Variants in AKR1B10 observed in about 807,000 individuals in gnomAD.
AKR1B10 encodes the protein ARP.
A neutral mutation model predicts 38.9 loss-of-function variants in AKR1B10; 39 were observed. The observed-to-expected ratio is 1.00, with a 90% CI of 0.78 to 1.31. AKR1B10 has a LOEUF of 1.31. AKR1B10 is among the 50% of genes most tolerant of loss of function. The probability of loss-of-function intolerance (pLI) is 0.00; values close to 1 mark genes in which losing one functional copy is unlikely to be tolerated. For missense variants in AKR1B10, 361 were observed against 382.6 expected (o/e 0.94, Z 0.47); for synonymous variants, 148 against 141.2 (o/e 1.05, Z -0.34).
intron 3 of AKR1B10, 127 bp downstream of exon 3, chr7:134,532,151 G>C: frequency 8.5e-7 from 1 of 1,177,832 alleles, no homozygotes; most frequent in Non-Finnish European, 1.2e-6. Context: ...GGGAATGGCA[G>C]GTGGTCAGGA....
intron 2 of AKR1B10, 50 bp from the exon 3 acceptor site, chr7:134,531,858 T>C (rs1335296474): frequency 2.5e-5 from 40 of 1,603,024 alleles, no homozygotes; most frequent in Non-Finnish European, 3.4e-5. Flanking sequence ...GAGTACAATG[T>C]GGCCCTTCCT....
intron 9 of AKR1B10, among the ~76,000 whole-genome samples, chr7:134,539,429 T>A (rs1174332199): frequency 6.6e-6 from 1 of 151,974 alleles, no homozygotes; most frequent in Non-Finnish European, 1.5e-5. Flanking sequence ...CAACTCAAAA[T>A]ATAGATGTCA....
chr7:134,530,853 G>C, intron 2 of AKR1B10, 43 bp downstream of exon 2: 1 of 1,575,070 alleles, frequency 6.3e-7, no homozygotes, highest in African/African-American at 1.4e-5. Context: ...TTCAAGGCAG[G>C]CAGAAGTATC....
intron 8 of AKR1B10, 77 bp downstream of exon 8, chr7:134,538,354 C>T: frequency 2.9e-6 from 4 of 1,375,032 alleles, no homozygotes; most frequent in Non-Finnish European, 4.1e-6. Context: ...AGGCTTCTCA[C>T]CTCATCGCTG....
chr7:134,528,018 G>T, intron 1 of AKR1B10, 41 bp downstream of exon 1: 2 of 1,609,098 alleles, frequency 1.2e-6, no homozygotes, highest in Non-Finnish European at 1.7e-6. Flanking sequence ...TCTCTGGAGG[G>T]GCGTTTGGGT....
At chr7:134,528,757 A>G (rs776842933) in intron 1 of AKR1B10, among the ~76,000 whole-genome samples, 4 of 152,050 alleles carry the variant, frequency 2.6e-5, no homozygotes, top group African/African-American at 7.2e-5. Flanking sequence ...GAGAGAAAGA[A>G]AGAGAGACAG....
intron 2 of AKR1B10, among the ~76,000 whole-genome samples, chr7:134,531,675 C>T (rs113891887): frequency 7.9e-5 from 12 of 152,140 alleles, no homozygotes; most frequent in African/African-American, 1.7e-4. Flanking sequence ...ATCTGAGACA[C>T]GTATAGAGTA....
At chr7:134,535,709 G>A (rs1346653663) in intron 4 of AKR1B10, 17 of 980,142 alleles carry the variant, frequency 1.7e-5, no homozygotes, top group East Asian at 1.2e-4. Flanking sequence ...TGTCTATGCC[G>A]CTGTGATGTT....
chr7:134,537,260 T>C (rs1808038035), intron 6 of AKR1B10, 103 bp downstream of exon 6: 3 of 1,477,994 alleles, frequency 2.0e-6, no homozygotes, highest in Non-Finnish European at 2.7e-6. Context: ...GAAAGAAAAA[T>C]GTGTGTAAGG....
intron 1 of AKR1B10, 95 bp downstream of exon 1, chr7:134,528,072 C>G: frequency 6.7e-7 from 1 of 1,501,052 alleles, no homozygotes; most frequent in Non-Finnish European, 9.1e-7. Flanking sequence ...GGAGGTCGGG[C>G]AGGGGTTGGA....
In AKR1B10 at chr7:134,532,543, T is replaced by G. The variant is rs541655486; in HGVS notation, c.352-461T>G. Among the ~76,000 whole-genome samples the G allele has an allele frequency of 2.6e-5, 4 of 152,138 alleles. No homozygotes were observed. The South Asian group carries it at 8.3e-4, about 32-fold the overall frequency. On this transcript the variant is annotated intron_variant, in intron 3 of 9. Coordinates refer to ENST00000359579, the MANE Select transcript of AKR1B10 (RefSeq NM_020299.5). ...CTCCTGAGGGGTGGGAGAGACAAAT[T>G]TCCAGCTCTCTCCCCTCCTGACCAA...
At chr7:134,536,815 C>T (rs778272707) in intron 5 of AKR1B10, 43 bp downstream of exon 5, 9 of 1,610,336 alleles carry the variant, frequency 5.6e-6, no homozygotes, top group Admixed American at 1.7e-5. Context: ...TGCCCTATTA[C>T]TTCTTAAACA....
intron 3 of AKR1B10, 70 bp downstream of exon 3, chr7:134,532,094 C>T: frequency 1.3e-6 from 2 of 1,582,798 alleles, no homozygotes; most frequent in Non-Finnish European, 8.7e-7. Flanking sequence ...TGCACCAGGG[C>T]TGTGGGGTGG....
At chr7:134,529,287 C>T (rs1807783838) in intron 1 of AKR1B10, among the ~76,000 whole-genome samples, 1 of 152,192 alleles carries the variant, frequency 6.6e-6, no homozygotes, top group African/African-American at 2.4e-5. Flanking sequence ...CAGATCACTT[C>T]CAGCTTGATT....
rs775799374 is a variant in AKR1B10 at position 134,530,657 on chromosome 7, A to C, written c.81A>C (p.Lys27Asn). Residue 27 changes from lysine (K) to asparagine (N), a missense_variant, in exon 2 of 10, where the codon AAA (lysine) becomes AAC (asparagine). Coordinates refer to ENST00000359579, the MANE Select transcript of AKR1B10 (RefSeq NM_020299.5). Reference protein sequence around the residue: ...GLGTWKSPLGKVKEAVKVAID... With the variant: ...GLGTWKSPLGNVKEAVKVAID... Reference sequence around the variant, plus strand: ...TTGCCTTTCAGTCTCCTCTTGGCAAAGTGAAAGAAGCAGTGAAGGTGGCCA... The same window carrying C: ...TTGCCTTTCAGTCTCCTCTTGGCAACGTGAAAGAAGCAGTGAAGGTGGCCA... The C allele has an allele frequency of 1.9e-6, 3 of 1,614,044 alleles. No homozygotes were observed. Among genetic ancestry groups the C allele is most frequent in the Non-Finnish European group, 2.5e-6 (3 of 1,179,926 alleles).
At chr7:134,530,059 G>A (rs1807807114) in intron 1 of AKR1B10, among the ~76,000 whole-genome samples, 1 of 151,994 alleles carries the variant, frequency 6.6e-6, no homozygotes, top group Non-Finnish European at 1.5e-5. Flanking sequence ...TTGCATACAA[G>A]GTTTACAGAG....
chr7:134,534,713 A>G (rs923079843), intron 4 of AKR1B10, among the ~76,000 whole-genome samples: 1 of 152,256 alleles, frequency 6.6e-6, no homozygotes, highest in African/African-American at 2.4e-5. Context: ...GGAAAAATGT[A>G]TAAAGAAGTC....
intron 4 of AKR1B10, 50 bp from the exon 5 acceptor site, chr7:134,536,600 T>A (rs774232359): frequency 6.3e-7 from 1 of 1,592,370 alleles, no homozygotes. Flanking sequence ...CAAGCCAGGG[T>A]CCCTGTAGTC....
intron 6 of AKR1B10, 96 bp from the exon 7 acceptor site, chr7:134,537,484 G>A (rs1013275880): frequency 4.4e-5 from 59 of 1,334,576 alleles, no homozygotes; most frequent in Non-Finnish European, 5.9e-5. Context: ...AGATGGAGAG[G>A]CTCTGATGAT....
Sources: gnomAD v4.1 joint callset for allele counts (sites outside exome capture counted in the v4.1 genomes callset) on GRCh38, gnomAD v4.1.1 for gene constraint, MANE v1.5 for transcripts, NCBI Gene and HGNC (gene_info 2026-07-23, HGNC 2026-07-21) for gene names.